The following VPS37C variants were observed in gnomAD, a reference collection of about 807,000 sequenced individuals.
VPS37C encodes the protein vacuolar protein sorting-associated protein 37C.
VPS37C carries 9 observed loss-of-function variants against 16.1 expected under a neutral mutation model. The observed-to-expected ratio is 0.56, with a 90% CI of 0.34 to 0.97. The LOEUF (loss-of-function observed/expected upper bound fraction) is 0.97, where lower values mean the gene tolerates loss of function less well. Among genes scored for constraint, VPS37C ranks in the 50% least tolerant of loss-of-function variants. The pLI, the probability that VPS37C is intolerant of heterozygous loss-of-function variation, is 0.02. For synonymous variants in VPS37C, 207 were observed against 206.4 expected (o/e 1.00, Z -0.02); for missense variants, 479 against 472.7 (o/e 1.01, Z -0.12).
intron 1 of VPS37C, 149 bp from the exon 2 acceptor site, chr11:61,138,984 TGA>T: frequency 2.8e-6 from 2 of 706,570 alleles, no homozygotes; most frequent in South Asian, 3.4e-5. Flanking sequence ...CAGAAATCTC[TGA>T]GAGCACATTC....
At chr11:61,147,674 A>T (rs1341026929) in intron 1 of VPS37C, among the ~76,000 whole-genome samples, 1 of 151,880 alleles carries the variant, frequency 6.6e-6, no homozygotes, top group East Asian at 1.9e-4. Flanking sequence ...CTGATCAGAG[A>T]TCCTTTCCAA....
chr11:61,155,231 C>G (rs1853360614), intron 1 of VPS37C, among the ~76,000 whole-genome samples: 1 of 152,102 alleles, frequency 6.6e-6, no homozygotes, highest in South Asian at 2.1e-4. Flanking sequence ...TGCTTGTAAT[C>G]TCATCACTTT....
At chr11:61,150,023 C>T (rs1053433609) in intron 1 of VPS37C, among the ~76,000 whole-genome samples, 3 of 152,178 alleles carry the variant, frequency 2.0e-5, no homozygotes, top group African/African-American at 7.2e-5. Flanking sequence ...CTTGGCTTTG[C>T]TGACCCAGTC....
chr11:61,131,474 G>A lies in VPS37C; in HGVS notation c.*346C>T, dbSNP rs1164313443. ...CTCCTCATAGAGATAACTCTGCACT[G>A]GGTTCAAATGGCCCTGAGTGCAGCC... is the stretch of plus-strand genomic sequence containing the variant. On this transcript the variant is annotated 3_prime_UTR_variant, in exon 5 of 5. Coordinates refer to ENST00000301765, the MANE Select transcript of VPS37C (RefSeq NM_017966.5). 4.4e-6 allele frequency: 1 copy of A among 229,372 alleles called. No homozygotes were observed. The highest frequency in any genetic ancestry group is 2.3e-5 in the African/African-American group (1 of 44,326). 14.2% of individuals were successfully genotyped at this position (229,372 alleles called of 1,614,324 possible). A position where few individuals can be genotyped will look rare whatever the true frequency, so the allele number is the denominator to read the frequency against.
intron 1 of VPS37C, chr11:61,144,648 G>C (rs1272623064): frequency 6.6e-6 from 1 of 152,458 alleles, no homozygotes; most frequent in Non-Finnish European, 1.5e-5. Context: ...CACAGAGGGA[G>C]GCAGCGTCAC....
At chr11:61,151,483 TG>T (rs1308637897) in intron 1 of VPS37C, among the ~76,000 whole-genome samples, 3 of 152,240 alleles carry the variant, frequency 2.0e-5, no homozygotes, top group African/African-American at 4.8e-5. Context: ...GCTTACTGTC[TG>T]GGGAGACCTT....
chr11:61,133,716 G>T (rs1012135739), intron 3 of VPS37C, among the ~76,000 whole-genome samples: 5 of 152,184 alleles, frequency 3.3e-5, no homozygotes, highest in African/African-American at 1.2e-4. Flanking sequence ...CTGGGACACA[G>T]AGAGCCCAGA....
chr11:61,160,277 T>C (rs553438491), intron 1 of VPS37C, among the ~76,000 whole-genome samples: 173 of 152,312 alleles, frequency 1.1e-3, no homozygotes, highest in African/African-American at 3.1e-3. Context: ...GCGTCCAGTA[T>C]TTTCATTGCA....
intron 1 of VPS37C, among the ~76,000 whole-genome samples, chr11:61,142,975 T>TAAAAAAAAAAAAAAAAAAAAAAAAAG: frequency 4.2e-5 from 2 of 47,592 alleles, no homozygotes; most frequent in African/African-American, 1.5e-4. Flanking sequence ...AAAGAATAGC[T>TAAAAAAAAAAAAAAAAAAAAAAAAAG]AAAAAAAAAA....
chr11:61,148,554 G>T (rs1853250972), intron 1 of VPS37C, among the ~76,000 whole-genome samples: 1 of 140,822 alleles, frequency 7.1e-6, no homozygotes. Context: ...AGACTCTTTT[G>T]TTTCCTGACT....
chr11:61,147,474 G>A (rs1204630372), intron 1 of VPS37C, among the ~76,000 whole-genome samples: 1 of 152,102 alleles, frequency 6.6e-6, no homozygotes, highest in Non-Finnish European at 1.5e-5. Flanking sequence ...GTGGATTTAC[G>A]CCAAAGGCAG....
At chr11:61,143,576 G>A in intron 1 of VPS37C, 1 of 151,966 alleles carries the variant, frequency 6.6e-6, no homozygotes, top group South Asian at 2.1e-4. Flanking sequence ...TCACCATGTT[G>A]GCCAAGCTGA....
At chr11:61,157,422 T>TAA (rs1471104825) in intron 1 of VPS37C, among the ~76,000 whole-genome samples, 1 of 59,996 alleles carries the variant, frequency 1.7e-5, no homozygotes, top group Non-Finnish European at 2.6e-5. Flanking sequence ...GTTGTTTTTT[T>TAA]TCAATAGCCA....
intron 2 of VPS37C, among the ~76,000 whole-genome samples, chr11:61,137,498 C>T (rs1861398936): frequency 6.6e-6 from 1 of 152,236 alleles, no homozygotes; most frequent in Non-Finnish European, 1.5e-5. Flanking sequence ...CAGCTCTGCA[C>T]ACTCTAGAAG....
At chr11:61,157,202 G>C (rs1487745027) in intron 1 of VPS37C, among the ~76,000 whole-genome samples, 1 of 152,114 alleles carries the variant, frequency 6.6e-6, no homozygotes, top group Non-Finnish European at 1.5e-5. Flanking sequence ...TACAAACATG[G>C]GTATACAAAT....
intron 1 of VPS37C, chr11:61,144,977 G>A (rs777808218): frequency 6.6e-6 from 1 of 152,238 alleles, no homozygotes; most frequent in Non-Finnish European, 1.5e-5. Context: ...GAGGCCAGAT[G>A]TTCGTTTTGG....
chr11:61,154,099 C>T (rs1160853138), intron 1 of VPS37C, among the ~76,000 whole-genome samples: 2 of 152,210 alleles, frequency 1.3e-5, no homozygotes, highest in African/African-American at 2.4e-5. Flanking sequence ...AGTAACTTAA[C>T]AGTGTCCTAA....
At chr11:61,133,145 A>G in intron 4 of VPS37C, 110 bp downstream of exon 4, 1 of 1,255,978 alleles carries the variant, frequency 8.0e-7, no homozygotes, top group East Asian at 2.5e-5. Context: ...GCCATCTACG[A>G]AAGCTCCCTT....
At chr11:61,142,483 C>T (rs1448457361) in intron 1 of VPS37C, among the ~76,000 whole-genome samples, 1 of 152,150 alleles carries the variant, frequency 6.6e-6, no homozygotes, top group Non-Finnish European at 1.5e-5. Flanking sequence ...ATCCTCCCGC[C>T]TTGACCTCCC....
Sources: gnomAD v4.1 joint callset for allele counts (sites outside exome capture counted in the v4.1 genomes callset) on GRCh38, gnomAD v4.1.1 for gene constraint, MANE v1.5 for transcripts, NCBI Gene and HGNC (gene_info 2026-07-23, HGNC 2026-07-21) for gene names.